PCLO: variants seen among roughly 807,000 people sequenced by gnomAD.
PCLO encodes the protein piccolo presynaptic cytomatrix protein, also known as protein piccolo.
In PCLO, 82 loss-of-function variants were observed where a neutral mutation model predicts 427.5. The ratio of observed to expected loss-of-function variants is 0.19; its 90% CI spans 0.16 to 0.23. PCLO has a LOEUF of 0.23. Among genes scored for constraint, PCLO ranks in the 10% least tolerant of loss-of-function variants. The probability of loss-of-function intolerance (pLI) is 1.00; values close to 1 mark genes in which losing one functional copy is unlikely to be tolerated. For synonymous variants in PCLO, 2,357 were observed against 2,155.4 expected (o/e 1.09, Z -2.59); for missense variants, 6,239 against 6,115.9 (o/e 1.02, Z -0.67).
chr7:83,137,060 CTGCACAATGAAACAATATA>C (rs1368049732), intron 2 of PCLO, among the ~76,000 whole-genome samples: 1 of 152,066 alleles, frequency 6.6e-6, no homozygotes, highest in Non-Finnish European at 1.5e-5. Flanking sequence ...GTACAGAATG[CTGCACAATGAAACAATATA>C]TATAAATAGA....
In PCLO at chr7:82,950,985, A is replaced by T. The variant is rs1795329899; in HGVS notation, c.9603T>A (p.Leu3201=). Residue 3201 remains leucine (L), a synonymous_variant, in exon 6 of 25, where the codon CTT becomes CTA. Coordinates refer to ENST00000333891, the MANE Select transcript of PCLO (RefSeq NM_033026.6). ...FPEVVGDESA[L]LIVPEEDKQQ... Reference sequence around the variant, plus strand: ...GTTTATCTTCTTCAGGGACAATTAAAAGAGCACTTTCATCTCCCACCACTT... The same window carrying T: ...GTTTATCTTCTTCAGGGACAATTAATAGAGCACTTTCATCTCCCACCACTT... 1 of 1,613,794 alleles carries T rather than the reference A, an allele frequency of 6.2e-7. No individual in the cohort carries two copies. The highest frequency in any genetic ancestry group is 2.2e-5 in the East Asian group (1 of 44,848).
At chr7:83,022,191 G>A (rs41607) in intron 3 of PCLO, among the ~76,000 whole-genome samples, 72,354 of 151,784 alleles carry the variant, frequency 0.48, 19,600 homozygotes, top group Middle Eastern at 0.7. Flanking sequence ...AGGACACATA[G>A]AAGGTGCTGT....
intron 3 of PCLO, among the ~76,000 whole-genome samples, chr7:83,066,566 A>G (rs529493855): frequency 6.6e-6 from 1 of 152,280 alleles, no homozygotes; most frequent in South Asian, 2.1e-4. Context: ...TTTCCCAGAA[A>G]GTTAACTTTA....
intron 17 of PCLO, among the ~76,000 whole-genome samples, chr7:82,827,504 T>A (rs1791974345): frequency 6.6e-6 from 1 of 152,056 alleles, no homozygotes; most frequent in East Asian, 1.9e-4. Flanking sequence ...AATCTTATTT[T>A]TTTTGTGTAT....
chr7:82,820,704 T>G (rs1791770917), intron 20 of PCLO: 19 of 1,230,766 alleles, frequency 1.5e-5, no homozygotes, highest in South Asian at 4.1e-5. Flanking sequence ...AAGTTACACT[T>G]GAAATAATAG....
intron 10 of PCLO, among the ~76,000 whole-genome samples, chr7:82,859,631 C>T (rs1174951602): frequency 6.6e-6 from 1 of 152,112 alleles, no homozygotes; most frequent in Admixed American, 6.6e-5. Flanking sequence ...CCCAAAAGGA[C>T]AGTTACAAAT....
chr7:83,057,974 T>C (rs1789444346), intron 3 of PCLO, among the ~76,000 whole-genome samples: 1 of 152,078 alleles, frequency 6.6e-6, no homozygotes, highest in South Asian at 2.1e-4. Flanking sequence ...TGGGACAAAA[T>C]GTATGACTGT....
chr7:83,152,911 T>G (rs577734512), intron 2 of PCLO, among the ~76,000 whole-genome samples: 1 of 152,272 alleles, frequency 6.6e-6, no homozygotes, highest in East Asian at 1.9e-4. Flanking sequence ...TCACCAAACA[T>G]ATAACAGAAT....
At chr7:82,856,562 G>C (rs1792811508) in intron 10 of PCLO, among the ~76,000 whole-genome samples, 1 of 152,082 alleles carries the variant, frequency 6.6e-6, no homozygotes, top group African/African-American at 2.4e-5. Flanking sequence ...AGGGATATGA[G>C]TATATTAGTA....
chr7:82,897,517 A>G (rs1793934774), intron 9 of PCLO, among the ~76,000 whole-genome samples: 1 of 151,530 alleles, frequency 6.6e-6, no homozygotes, highest in African/African-American at 2.4e-5. Flanking sequence ...GGTATGAACA[A>G]TGAATTTATA....
At chr7:82,797,878 T>C (rs1791260578) in intron 22 of PCLO, among the ~76,000 whole-genome samples, 2 of 152,052 alleles carry the variant, frequency 1.3e-5, no homozygotes, top group African/African-American at 4.8e-5. Context: ...TTAGAGAAAA[T>C]GACTAAGTGG....
At position 83,162,789 on chromosome 7, in the gene PCLO, C is replaced by G. The variant is rs1463385896; in HGVS notation, c.-197G>C. 1.5e-6 allele frequency: 1 copy of G among 656,540 alleles called. No individual in the cohort carries two copies. The highest frequency in any genetic ancestry group is 3.0e-5 in the East Asian group (1 of 33,674). 40.7% of individuals were successfully genotyped at this position (656,540 alleles called of 1,614,324 possible). A position where few individuals can be genotyped will look rare whatever the true frequency, so the allele number is the denominator to read the frequency against. ...CCCGCTCGCAGGTAACGCCCGCTGCCGGTGCCTCCTCCATGTTGGACAGCG... is the reference window on the plus strand; with the variant it reads ...CCCGCTCGCAGGTAACGCCCGCTGCGGGTGCCTCCTCCATGTTGGACAGCG... On this transcript the variant is annotated 5_prime_UTR_variant, in exon 1 of 25. Coordinates refer to ENST00000333891, the MANE Select transcript of PCLO (RefSeq NM_033026.6).
At chr7:82,812,710 T>G (rs1283923531) in intron 20 of PCLO, among the ~76,000 whole-genome samples, 1 of 151,656 alleles carries the variant, frequency 6.6e-6, no homozygotes. Context: ...GATCTTTATC[T>G]TTAAAAGATT....
intron 3 of PCLO, among the ~76,000 whole-genome samples, chr7:83,021,854 A>G (rs914276787): frequency 5.3e-5 from 8 of 152,224 alleles, no homozygotes; most frequent in African/African-American, 1.9e-4. Flanking sequence ...ATAGAATTTT[A>G]TAAGCATTTC....
intron 3 of PCLO, among the ~76,000 whole-genome samples, chr7:83,122,286 C>CTTTTTTTTTTTTTTTTTTTTTT (rs71074624): frequency 2.3e-4 from 29 of 128,294 alleles, no homozygotes; most frequent in Non-Finnish European, 3.6e-4. Flanking sequence ...CTTTTCTTTT[C>CTTTTTTTTTTTTTTTTTTTTTT]TTTTTTTTTT....
At chr7:82,769,575 A>G (rs1009173987) in intron 22 of PCLO, among the ~76,000 whole-genome samples, 1 of 152,154 alleles carries the variant, frequency 6.6e-6, no homozygotes, top group African/African-American at 2.4e-5. Context: ...TTTAGGCAAA[A>G]GTCTCTTTAG....
chr7:82,872,543 AC>A (rs1195932438), intron 10 of PCLO, among the ~76,000 whole-genome samples: 6 of 152,212 alleles, frequency 3.9e-5, no homozygotes, highest in South Asian at 2.1e-4. Context: ...GGAAAAAAAA[AC>A]AAACTAGTTG....
Position 83,093,462 on chromosome 7 carries a change from A to ATGTGTGTGTG in PCLO, c.3300+40778_3300+40787dup, listed in dbSNP as rs199740692. Among the ~76,000 whole-genome samples the ATGTGTGTGTG allele has an allele frequency of 4.1e-3, 386 of 94,194 alleles. 4 individuals carry two copies. Among genetic ancestry groups the ATGTGTGTGTG allele is most frequent in the Admixed American group, 5.7e-3 (42 of 7,360 alleles). 61.8% of individuals were successfully genotyped at this position (94,194 alleles called of 152,430 possible). ...CATTTTATCAACCACAAACATATAT[A>ATGTGTGTGTG]TGTGTGTGTGTATAGATATATATAT... On this transcript the variant is annotated intron_variant, in intron 3 of 24. Coordinates refer to ENST00000333891, the MANE Select transcript of PCLO (RefSeq NM_033026.6).
At chr7:83,040,123 C>CT (rs148897722) in intron 3 of PCLO, among the ~76,000 whole-genome samples, 2,496 of 152,016 alleles carry the variant, frequency 0.016, 18 homozygotes, top group Middle Eastern at 0.024. Context: ...GTCATGTTTT[C>CT]TTTTTTGTGC....
Sources: allele counts gnomAD v4.1 joint callset (sites outside exome capture counted in the v4.1 genomes callset), GRCh38; gene constraint gnomAD v4.1.1; transcripts MANE v1.5; gene names NCBI Gene and HGNC (gene_info 2026-07-23, HGNC 2026-07-21).